Variants in AHCY observed in about 807,000 individuals in gnomAD.
The protein encoded by AHCY is S-adenosyl-L-homocysteine hydrolase.
Under a neutral mutation model 45.4 loss-of-function variants are expected in AHCY, and 24 were observed. The ratio of observed to expected loss-of-function variants is 0.53; its 90% CI spans 0.38 to 0.74. The LOEUF is 0.74. Ranked by LOEUF, AHCY falls within the 30% of genes least tolerant of loss-of-function variation. The probability of loss-of-function intolerance (pLI) is 0.00; values close to 1 mark genes in which losing one functional copy is unlikely to be tolerated. For synonymous variants in AHCY, 245 were observed against 235.1 expected (o/e 1.04, Z -0.39); for missense variants, 449 against 594.1 (o/e 0.76, Z 2.54).
chr20:34,300,036 T>C (rs751603626), intron 1 of AHCY, among the ~76,000 whole-genome samples: 2 of 151,970 alleles, frequency 1.3e-5, no homozygotes, highest in Non-Finnish European at 2.9e-5. Context: ...AATACAAAAA[T>C]TAGTTGGGCG....
chr20:34,235,894 G>GA, the AHCY span, among the ~76,000 whole-genome samples: 14 of 85,056 alleles, frequency 1.6e-4, 1 homozygote, highest in Middle Eastern at 0.012. Context: ...AGGAAGGAAG[G>GA]AAGGAAAGGA....
At chr20:34,279,282 G>A (rs542914460), downstream of AHCY, among the ~76,000 whole-genome samples, 6 of 151,558 alleles carry the variant, frequency 4.0e-5, no homozygotes, top group Non-Finnish European at 7.4e-5. Context: ...TTTGCCGGGC[G>A]TGGTGGCGGG....
At chr20:34,234,875 G>A in the AHCY span, 3 of 152,088 alleles carry the variant, frequency 2.0e-5, no homozygotes, top group Non-Finnish European at 4.4e-5. Flanking sequence ...TATACCCACA[G>A]TATCCTCATA....
chr20:34,254,989 C>T, the AHCY span, among the ~76,000 whole-genome samples: 1 of 152,118 alleles, frequency 6.6e-6, no homozygotes, highest in Admixed American at 6.5e-5. Context: ...TAAACTAACC[C>T]CTAGGATTCA....
intron 1 of AHCY, chr20:34,302,807 T>G: frequency 9.9e-7 from 1 of 1,014,436 alleles, no homozygotes; most frequent in Non-Finnish European, 1.2e-6. Context: ...CCCTCCGGGG[T>G]GCCCTCGCCG....
At chr20:34,278,318 G>T (rs997128541), downstream of AHCY, among the ~76,000 whole-genome samples, 1 of 152,158 alleles carries the variant, frequency 6.6e-6, no homozygotes, top group Non-Finnish European at 1.5e-5. Context: ...GAAGGGAGGT[G>T]GGGGGCTACA....
intron 8 of AHCY, among the ~76,000 whole-genome samples, chr20:34,289,863 C>T (rs532010022): frequency 1.9e-4 from 29 of 151,992 alleles, no homozygotes; most frequent in African/African-American, 6.3e-4. Context: ...TCAGGTGATC[C>T]GCCCATCTCG....
chr20:34,237,075 A>G, the AHCY span, among the ~76,000 whole-genome samples: 1 of 152,070 alleles, frequency 6.6e-6, no homozygotes, highest in African/African-American at 2.4e-5. Context: ...TATTTATTCT[A>G]TTCCATTTTT....
In AHCY at chr20:34,295,305, G is replaced by C. The variant is rs763705879; in HGVS notation, c.219+90C>G. 4 of 1,527,046 alleles carry C rather than the reference G, an allele frequency of 2.6e-6. No homozygotes were observed. In the Admixed American group the frequency reaches 7.4e-5, roughly 28 times the overall value. The allele number at this position is 1,527,046 out of a possible 1,614,324, so 94.6% of individuals were successfully genotyped here. A position where few individuals can be genotyped will look rare whatever the true frequency, so the allele number is the denominator to read the frequency against. On this transcript the variant is annotated intron_variant, in intron 2 of 9. Transcript: ENST00000217426. ...CAGGCCCGCGGTCAGCTCCACACCT[G>C]GAAGGTCCCCACCCTGGCACAGTCG...
the AHCY span, among the ~76,000 whole-genome samples, chr20:34,243,646 G>A: frequency 4.0e-5 from 6 of 151,152 alleles, no homozygotes; most frequent in African/African-American, 1.5e-4. Flanking sequence ...TAGTCTCGAT[G>A]GATAAATTTG....
At chr20:34,292,301 G>C (rs757511943) in intron 4 of AHCY, 57 bp downstream of exon 4, 728 of 1,587,832 alleles carry the variant, frequency 4.6e-4, no homozygotes, top group Non-Finnish European at 6.1e-4. Flanking sequence ...CATCATGTGG[G>C]CAAACAGGCC....
intron 1 of AHCY, among the ~76,000 whole-genome samples, chr20:34,309,565 C>T (rs1446903690): frequency 4.6e-5 from 7 of 152,144 alleles, no homozygotes; most frequent in Middle Eastern, 3.4e-3. Flanking sequence ...TTTGGGAAGC[C>T]GAGGCTGGCA....
chr20:34,286,887 C>T (rs2036206411), intron 8 of AHCY, among the ~76,000 whole-genome samples: 1 of 151,504 alleles, frequency 6.6e-6, no homozygotes, highest in African/African-American at 2.4e-5. Context: ...CCCAGAGACT[C>T]CTATTCCTGT....
At chr20:34,234,436 C>T in the AHCY span, among the ~76,000 whole-genome samples, 4 of 152,188 alleles carry the variant, frequency 2.6e-5, no homozygotes, top group Non-Finnish European at 5.9e-5. Context: ...GTGGTTGAGG[C>T]CAGGCATCCA....
At chr20:34,254,737 G>T in the AHCY span, among the ~76,000 whole-genome samples, 1 of 152,094 alleles carries the variant, frequency 6.6e-6, no homozygotes. Flanking sequence ...CGTTCACAAA[G>T]TTCTGAATTC....
the AHCY span, among the ~76,000 whole-genome samples, chr20:34,274,189 T>C: frequency 6.6e-6 from 1 of 152,218 alleles, no homozygotes; most frequent in Non-Finnish European, 1.5e-5. Context: ...GCAGTTATCA[T>C]AGTGCCATAC....
intron 1 of AHCY, among the ~76,000 whole-genome samples, chr20:34,298,976 G>A (rs2036679449): frequency 2.0e-5 from 3 of 152,110 alleles, no homozygotes; most frequent in African/African-American, 7.2e-5. Context: ...TATCCTTGGA[G>A]GTGACTCACA....
chr20:34,295,021 T>C (rs2036525133), intron 2 of AHCY, among the ~76,000 whole-genome samples: 1 of 152,136 alleles, frequency 6.6e-6, no homozygotes, highest in Non-Finnish European at 1.5e-5. Flanking sequence ...GCTGAACCAA[T>C]CAGAGCTGCC....
intron 1 of AHCY, among the ~76,000 whole-genome samples, chr20:34,309,707 G>A (rs2036929013): frequency 6.6e-6 from 1 of 152,174 alleles, no homozygotes. Flanking sequence ...CTTGAACCCA[G>A]GAAGGGGAGG....
Sources: gnomAD v4.1 joint callset for allele counts (sites outside exome capture counted in the v4.1 genomes callset) on GRCh38, gnomAD v4.1.1 for gene constraint, MANE v1.5 for transcripts, NCBI Gene and HGNC (gene_info 2026-07-23, HGNC 2026-07-21) for gene names.